Variants in CDYL2 observed in about 807,000 individuals in gnomAD.
CDYL2 encodes the protein chromodomain Y like 2.
CDYL2 carries 23 observed loss-of-function variants against 49.4 expected under a neutral mutation model. The observed-to-expected ratio is 0.47, with a 90% CI of 0.34 to 0.66. The LOEUF (loss-of-function observed/expected upper bound fraction) is 0.66. CDYL2 is among the 30% of genes least tolerant of loss of function. The pLI is 0.01. For missense variants in CDYL2, 678 were observed against 656.4 expected, an observed-to-expected ratio of 1.03 and a Z score of -0.36; for synonymous variants, 360 against 268.8, an observed-to-expected ratio of 1.34 and a Z score of -3.32.
intron 1 of CDYL2, among the ~76,000 whole-genome samples, chr16:80,727,403 G>A (rs1905198608): frequency 6.6e-6 from 1 of 152,198 alleles, no homozygotes; most frequent in African/African-American, 2.4e-5. Flanking sequence ...CTTAAAAAAC[G>A]GCGCACCAGG....
chr16:80,632,437 T>C (rs984949136), intron 3 of CDYL2, among the ~76,000 whole-genome samples: 2 of 152,206 alleles, frequency 1.3e-5, no homozygotes, highest in Non-Finnish European at 2.9e-5. Context: ...TACTATTTCA[T>C]GTGGGTGAGG....
At chr16:80,692,918 G>T (rs1313970343) in intron 1 of CDYL2, among the ~76,000 whole-genome samples, 3 of 152,120 alleles carry the variant, frequency 2.0e-5, no homozygotes, top group African/African-American at 7.2e-5. Flanking sequence ...ACAAAACCTG[G>T]AGAAATCTAA....
chr16:80,606,875 A>C (rs548540250), intron 6 of CDYL2, among the ~76,000 whole-genome samples: 1 of 152,284 alleles, frequency 6.6e-6, no homozygotes, highest in South Asian at 2.1e-4. Flanking sequence ...GCCGCCATGT[A>C]AGACATGCCT....
intron 1 of CDYL2, among the ~76,000 whole-genome samples, chr16:80,754,686 C>G (rs1312720141): frequency 6.6e-6 from 1 of 152,166 alleles, no homozygotes; most frequent in Non-Finnish European, 1.5e-5. Flanking sequence ...AACTCCACAT[C>G]AGGGAGGATT....
chr16:80,707,358 G>A (rs1904440216), intron 1 of CDYL2, among the ~76,000 whole-genome samples: 1 of 152,104 alleles, frequency 6.6e-6, no homozygotes, highest in Admixed American at 6.5e-5. Flanking sequence ...ATACTTGGGA[G>A]GCTAATGCAG....
chr16:80,716,174 A>G (rs138650683), intron 1 of CDYL2, among the ~76,000 whole-genome samples: 13 of 152,248 alleles, frequency 8.5e-5, no homozygotes, highest in Admixed American at 2.0e-4. Flanking sequence ...ATCTCAGCTC[A>G]AATATCACTT....
chr16:80,768,212 G>C (rs1323093870), intron 1 of CDYL2, among the ~76,000 whole-genome samples: 1 of 152,122 alleles, frequency 6.6e-6, no homozygotes, highest in South Asian at 2.1e-4. Context: ...ACATACTAGA[G>C]ATCCTGACAA....
Position 80,733,402 on chromosome 16 carries a change from C to T in CDYL2, c.25-48273G>A, listed in dbSNP as rs1258440722. On this transcript the variant is annotated intron_variant, in intron 1 of 6. Transcript: ENST00000570137. ...TTCATCTTGCCATTTGGGCTTGCAACGGCTTTGCCCTATACTAACATTCCA... is the reference window on the plus strand; with the variant it reads ...TTCATCTTGCCATTTGGGCTTGCAATGGCTTTGCCCTATACTAACATTCCA... 6.6e-5 allele frequency among the ~76,000 whole-genome samples: 10 copies of T among 152,200 alleles called. 1 individual carries two copies. Among genetic ancestry groups the T allele is most frequent in the Admixed American group, 4.6e-4 (7 of 15,282 alleles).
intron 1 of CDYL2, among the ~76,000 whole-genome samples, chr16:80,752,276 T>C (rs1906163658): frequency 6.6e-6 from 1 of 151,698 alleles, no homozygotes. Flanking sequence ...AAAAAGAACA[T>C]AAGAGGCATG....
Position 80,612,746 on chromosome 16 carries a change from G to C in CDYL2, c.1098C>G (p.Pro366=), listed in dbSNP as rs755744128. Residue 366 remains proline (P), a synonymous_variant, in exon 5 of 7, where the codon CCC becomes CCG. Coordinates refer to ENST00000570137, the MANE Select transcript of CDYL2 (RefSeq NM_152342.4). This position sits in a 1 kb window ranked among gnomAD's most constrained non-coding sequence, Gnocchi z 5.0. The part of the protein sequence containing the change: ...PALGLGASIL[P]LCDIVWASEK... ...CACTGGCCCACACGATGTCACAGAG[G>C]GGCAGGATGGAGGCACCCAGGCCCA... 2 of 1,613,762 alleles carry C rather than the reference G, an allele frequency of 1.2e-6. No individual in the cohort carries two copies. The highest frequency in any genetic ancestry group is 1.7e-6 in the Non-Finnish European group (2 of 1,180,008).
At chr16:80,726,193 T>C (rs1905157466) in intron 1 of CDYL2, among the ~76,000 whole-genome samples, 3 of 152,222 alleles carry the variant, frequency 2.0e-5, no homozygotes, top group East Asian at 1.9e-4. Context: ...TTTGCGTACA[T>C]TTAAAATTTT....
rs187278472 is a variant in CDYL2, at chr16:80,701,432, T to C, written c.25-16303A>G. 3.9e-3 allele frequency among the ~76,000 whole-genome samples: 588 copies of C among 152,358 alleles called. 6 individuals are homozygous for C. The highest frequency in any genetic ancestry group is 0.014 in the African/African-American group (564 of 41,588). ...TTTTTTTCAATGAACATTATTTACA[T>C]AGTATCTATTCCATTTAAAAATCAA... On this transcript the variant is annotated intron_variant, in intron 1 of 6. Transcript: ENST00000570137.
chr16:80,670,853 G>A, intron 2 of CDYL2: 1 of 451,824 alleles, frequency 2.2e-6, no homozygotes, highest in Admixed American at 2.4e-5. Flanking sequence ...GAAGATAAAA[G>A]GGGCTCTATA....
chr16:80,672,740 T>C (rs544467762), intron 2 of CDYL2, among the ~76,000 whole-genome samples: 9 of 152,252 alleles, frequency 5.9e-5, no homozygotes, highest in Admixed American at 5.9e-4. Flanking sequence ...AAACCAGGGA[T>C]AAAAAGACAA....
At chr16:80,661,117 T>C in intron 2 of CDYL2, among the ~76,000 whole-genome samples, 1 of 152,036 alleles carries the variant, frequency 6.6e-6, no homozygotes, top group East Asian at 1.9e-4. Context: ...GTCCAAGTTC[T>C]CCACCAAGAA....
Position 80,770,867 on chromosome 16 carries a change from G to T in CDYL2, c.24+33283C>A, listed in dbSNP as rs187341337. On this transcript the variant is annotated intron_variant, in intron 1 of 6. Transcript: ENST00000570137. ...AATAGAGGAAGAGAAGAAATTAAAC[G>T]ATTAGACAGCCAAGATCTGGGAGAA... Among the ~76,000 whole-genome samples, 15 of 152,230 alleles carry T rather than the reference G, an allele frequency of 9.9e-5. No homozygotes were observed. In the East Asian group the frequency reaches 2.9e-3, roughly 29 times the overall value.
chr16:80,802,337 C>G (rs952687736), intron 1 of CDYL2, among the ~76,000 whole-genome samples: 2 of 152,182 alleles, frequency 1.3e-5, no homozygotes, highest in Non-Finnish European at 2.9e-5. Context: ...AACCATGATT[C>G]CAACCAGATC....
At chr16:80,780,622 G>C (rs751380173) in intron 1 of CDYL2, among the ~76,000 whole-genome samples, 12 of 151,948 alleles carry the variant, frequency 7.9e-5, no homozygotes, top group Non-Finnish European at 1.3e-4. Flanking sequence ...AGCCAGGATG[G>C]TCTTGATCTC....
chr16:80,679,601 T>C, intron 2 of CDYL2: 1 of 427,540 alleles, frequency 2.3e-6, no homozygotes, highest in South Asian at 1.7e-5. Context: ...CAAGGCCTCA[T>C]CTCAGGGAAG....
Sources: gnomAD v4.1 joint callset for allele counts (sites outside exome capture counted in the v4.1 genomes callset) on GRCh38, gnomAD v4.1.1 for gene constraint, Gnocchi (gnomAD v3.1) non-coding constraint, MANE v1.5 for transcripts, NCBI Gene and HGNC (gene_info 2026-07-23, HGNC 2026-07-21) for gene names.